Variants in TRHDE observed in about 807,000 individuals in gnomAD.
TRHDE encodes thyrotropin-releasing hormone-degrading ectoenzyme.
TRHDE carries 72 observed loss-of-function variants against 125.7 expected under a neutral mutation model. The observed-to-expected ratio is 0.57, with a 90% CI of 0.47 to 0.70. The LOEUF (loss-of-function observed/expected upper bound fraction) is 0.70, where lower values mean the gene tolerates loss of function less well. Among genes scored for constraint, TRHDE ranks in the 30% least tolerant of loss-of-function variants. TRHDE has a pLI of 0.00. For synonymous variants in TRHDE, 509 were observed against 509.1 expected (o/e 1.00, Z 0.00); for missense variants, 1,110 against 1,327.1 (o/e 0.84, Z 2.54).
intron 12 of TRHDE, among the ~76,000 whole-genome samples, chr12:72,615,345 A>C (rs1872775714): frequency 6.6e-6 from 1 of 152,124 alleles, no homozygotes; most frequent in Non-Finnish European, 1.5e-5. Context: ...CAGCTTCAGA[A>C]CCCTAAGTGC....
At chr12:72,150,601 A>G (rs1040884468) in intron 2 of TRHDE, among the ~76,000 whole-genome samples, 4 of 131,960 alleles carry the variant, frequency 3.0e-5, no homozygotes, top group South Asian at 2.4e-4. Flanking sequence ...TTCTGTGTCC[A>G]TGTGTTCTCA....
intron 2 of TRHDE, among the ~76,000 whole-genome samples, chr12:72,187,808 T>C (rs542504861): frequency 6.6e-6 from 1 of 152,190 alleles, no homozygotes; most frequent in Non-Finnish European, 1.5e-5. Flanking sequence ...GAGGCAGAAC[T>C]GGGATTTACA....
At chr12:72,127,035 A>C (rs1875729904) in intron 2 of TRHDE, among the ~76,000 whole-genome samples, 3 of 152,238 alleles carry the variant, frequency 2.0e-5, no homozygotes, top group Admixed American at 2.0e-4. Flanking sequence ...AAAGTAGGCA[A>C]AAGACATGAA....
At chr12:72,263,580 T>C (rs958663494) in intron 2 of TRHDE, 1 of 152,092 alleles carries the variant, frequency 6.6e-6, no homozygotes, top group Non-Finnish European at 1.5e-5. Context: ...CAGAATGTCA[T>C]GGACAGATTG....
intron 3 of TRHDE, among the ~76,000 whole-genome samples, chr12:72,400,395 C>T (rs759147049): frequency 1.3e-5 from 2 of 152,160 alleles, no homozygotes; most frequent in African/African-American, 2.4e-5. Flanking sequence ...TCTTGGACTA[C>T]GCCTACATTT....
intron 6 of TRHDE, among the ~76,000 whole-genome samples, chr12:72,519,995 C>T (rs983958372): frequency 8.5e-5 from 13 of 152,306 alleles, no homozygotes; most frequent in Admixed American, 2.6e-4. Context: ...GCAGTCTGCC[C>T]GTTCTCAGAT....
intron 2 of TRHDE, among the ~76,000 whole-genome samples, chr12:72,134,980 T>C (rs914503247): frequency 3.9e-5 from 6 of 152,162 alleles, no homozygotes; most frequent in Non-Finnish European, 2.9e-5. Context: ...TGCTCTGTTT[T>C]GGATATATGT....
chr12:72,329,455 C>A (rs905226135), intron 2 of TRHDE, among the ~76,000 whole-genome samples: 1 of 152,156 alleles, frequency 6.6e-6, no homozygotes, highest in Non-Finnish European at 1.5e-5. Flanking sequence ...TGCATTGAAC[C>A]CATTTTTACC....
intron 6 of TRHDE, among the ~76,000 whole-genome samples, chr12:72,535,951 A>G (rs1037810098): frequency 6.6e-6 from 1 of 152,158 alleles, no homozygotes; most frequent in African/African-American, 2.4e-5. Context: ...TTTGCTAATC[A>G]AAGAACTCAA....
intron 3 of TRHDE, among the ~76,000 whole-genome samples, chr12:72,406,982 T>C (rs1246386645): frequency 6.6e-6 from 1 of 152,228 alleles, no homozygotes; most frequent in East Asian, 1.9e-4. Context: ...TCGCTTCCCA[T>C]GCAGAATTTA....
chr12:72,643,071 C>A (rs1393007054), intron 15 of TRHDE, among the ~76,000 whole-genome samples: 1 of 152,134 alleles, frequency 6.6e-6, no homozygotes, highest in Non-Finnish European at 1.5e-5. Context: ...CATTTATAGG[C>A]ATGAGTAAAA....
chr12:72,208,393 T>C (rs1188138178), intron 2 of TRHDE, among the ~76,000 whole-genome samples: 1 of 152,172 alleles, frequency 6.6e-6, no homozygotes, highest in Non-Finnish European at 1.5e-5. Context: ...ATATCCAACC[T>C]GATATTCATG....
Position 72,663,368 on chromosome 12 carries a change from G to C in TRHDE, c.*173G>C. The C allele has an allele frequency of 6.1e-6, 3 of 489,574 alleles. No individual in the cohort carries two copies. Among genetic ancestry groups the C allele is most frequent in the Non-Finnish European group, 1.1e-5 (3 of 283,500 alleles). The allele number at this position is 489,574 out of a possible 1,614,324, so 30.3% of individuals were successfully genotyped here. A position where few individuals can be genotyped will look rare whatever the true frequency, so the allele number is the denominator to read the frequency against. On this transcript the variant is annotated 3_prime_UTR_variant, in exon 19 of 19. Coordinates refer to ENST00000261180, the MANE Select transcript of TRHDE (RefSeq NM_013381.3). ...TGGTTTTGGGGGATATTTTTTATTT[G>C]TTTCATTCATTCTGTTCTGTTTCTC...
At chr12:72,473,845 A>G (rs1202160418) in intron 5 of TRHDE, among the ~76,000 whole-genome samples, 1 of 152,022 alleles carries the variant, frequency 6.6e-6, no homozygotes, top group African/African-American at 2.4e-5. Flanking sequence ...TGACAGTGTG[A>G]TTATTAAATA....
intron 3 of TRHDE, among the ~76,000 whole-genome samples, chr12:72,389,503 C>T (rs113407836): frequency 9.8e-5 from 15 of 152,292 alleles, no homozygotes; most frequent in African/African-American, 3.4e-4. Flanking sequence ...TATATTTTCT[C>T]ATGGTTCTGG....
intron 3 of TRHDE, among the ~76,000 whole-genome samples, chr12:72,434,618 A>G (rs1249550772): frequency 6.6e-6 from 1 of 152,162 alleles, no homozygotes; most frequent in Non-Finnish European, 1.5e-5. Flanking sequence ...CAATTATTAC[A>G]ATAAGCCAAT....
intron 3 of TRHDE, among the ~76,000 whole-genome samples, chr12:72,403,228 G>A (rs1167882401): frequency 6.6e-6 from 1 of 152,202 alleles, no homozygotes; most frequent in South Asian, 2.1e-4. Flanking sequence ...TTGGTTTGTT[G>A]TGAGAGCACA....
intron 14 of TRHDE, 144 bp from the exon 15 acceptor site, chr12:72,621,500 C>T: frequency 1.6e-6 from 1 of 640,494 alleles, no homozygotes; most frequent in East Asian, 2.9e-5. Context: ...TTAACTTCCA[C>T]TCTGCCTAAG....
chr12:72,549,971 A>C (rs916238099), intron 7 of TRHDE, among the ~76,000 whole-genome samples: 1 of 151,840 alleles, frequency 6.6e-6, no homozygotes, highest in Non-Finnish European at 1.5e-5. Flanking sequence ...AGAGATATAT[A>C]TCTCTATTTA....
Sources: gnomAD v4.1 joint callset for allele counts (sites outside exome capture counted in the v4.1 genomes callset) on GRCh38, gnomAD v4.1.1 for gene constraint, MANE v1.5 for transcripts, NCBI Gene and HGNC (gene_info 2026-07-23, HGNC 2026-07-21) for gene names.